Variants in NCK2 observed in about 807,000 individuals in gnomAD.
NCK2 encodes cytoplasmic protein NCK2.
In NCK2, 16 loss-of-function variants were observed where a neutral mutation model predicts 33.9. The observed-to-expected ratio is 0.47, with a 90% CI of 0.32 to 0.72. The LOEUF (loss-of-function observed/expected upper bound fraction) is 0.72. Ranked by LOEUF, NCK2 falls within the 30% of genes least tolerant of loss-of-function variation. The pLI is 0.03. For synonymous variants in NCK2, 273 were observed against 239.9 expected (o/e 1.14, Z -1.27); for missense variants, 418 against 537.3 (o/e 0.78, Z 2.19).
intron 1 of NCK2, among the ~76,000 whole-genome samples, chr2:105,786,262 A>T (rs752075505): frequency 1.3e-5 from 2 of 152,282 alleles, no homozygotes; most frequent in Middle Eastern, 3.2e-3. Flanking sequence ...TTTTGAATCT[A>T]TGTAATAACC....
intron 1 of NCK2, among the ~76,000 whole-genome samples, chr2:105,780,092 G>T (rs916043453): frequency 1.3e-5 from 2 of 152,032 alleles, no homozygotes; most frequent in Non-Finnish European, 2.9e-5. Flanking sequence ...TTTTAACTGA[G>T]CATATTTTGG....
intron 2 of NCK2, among the ~76,000 whole-genome samples, chr2:105,826,537 T>C (rs1675950455): frequency 6.6e-6 from 1 of 152,264 alleles, no homozygotes; most frequent in South Asian, 2.1e-4. Context: ...GATTACCTGA[T>C]TGGTTATGTT....
At chr2:105,874,458 A>G (rs141377053) in intron 3 of NCK2, among the ~76,000 whole-genome samples, 19 of 152,398 alleles carry the variant, frequency 1.2e-4, no homozygotes, top group African/African-American at 4.6e-4. Flanking sequence ...AAACCCCCAC[A>G]GATCAATAAT....
At chr2:105,754,449 T>C (rs1326612292) in intron 1 of NCK2, among the ~76,000 whole-genome samples, 1 of 152,212 alleles carries the variant, frequency 6.6e-6, no homozygotes, top group Non-Finnish European at 1.5e-5. Flanking sequence ...CTTAAGAATT[T>C]TGGTTGCGTG....
chr2:105,835,935 T>A (rs957097963), intron 2 of NCK2, among the ~76,000 whole-genome samples: 6 of 151,464 alleles, frequency 4.0e-5, no homozygotes, highest in Non-Finnish European at 8.8e-5. Flanking sequence ...TCAATTTTTT[T>A]ATTTAATTCA....
chr2:105,772,747 T>G (rs1690174068), intron 1 of NCK2, among the ~76,000 whole-genome samples: 1 of 152,090 alleles, frequency 6.6e-6, no homozygotes, highest in Non-Finnish European at 1.5e-5. Flanking sequence ...TGGAATTGAC[T>G]TCTTCTCCCC....
intron 1 of NCK2, among the ~76,000 whole-genome samples, chr2:105,793,822 C>T (rs1281020841): frequency 6.6e-6 from 1 of 152,108 alleles, no homozygotes; most frequent in Non-Finnish European, 1.5e-5. Context: ...GTTTCAGGCT[C>T]CTTTAGACAG....
At chr2:105,823,594 A>G (rs1250274216) in intron 2 of NCK2, among the ~76,000 whole-genome samples, 1 of 151,992 alleles carries the variant, frequency 6.6e-6, no homozygotes, top group Non-Finnish European at 1.5e-5. Flanking sequence ...ATGGGGAATG[A>G]ATTCTGGGAC....
chr2:105,807,422 T>A (rs894116369), intron 1 of NCK2, among the ~76,000 whole-genome samples: 21 of 152,188 alleles, frequency 1.4e-4, no homozygotes, highest in Non-Finnish European at 2.8e-4. Context: ...TTTGTAGAAA[T>A]AAAAAGTGCA....
intron 2 of NCK2, among the ~76,000 whole-genome samples, chr2:105,825,319 T>C (rs1675899031): frequency 6.6e-6 from 1 of 152,224 alleles, no homozygotes; most frequent in Non-Finnish European, 1.5e-5. Context: ...AGTTTTCATG[T>C]ATTCACACCT....
chr2:105,771,611 C>T (rs1411852851), intron 1 of NCK2, among the ~76,000 whole-genome samples: 2 of 152,116 alleles, frequency 1.3e-5, no homozygotes, highest in African/African-American at 2.4e-5. Context: ...AGAAGTTTCC[C>T]ATTGTTTCTA....
At chr2:105,886,056 G>A (rs1171778151) in intron 4 of NCK2, among the ~76,000 whole-genome samples, 1 of 152,226 alleles carries the variant, frequency 6.6e-6, no homozygotes, top group African/African-American at 2.4e-5. Flanking sequence ...GTGATCCATG[G>A]TGTTTCTTCA....
At chr2:105,774,032 G>A (rs1311759090) in intron 1 of NCK2, among the ~76,000 whole-genome samples, 11 of 140,334 alleles carry the variant, frequency 7.8e-5, no homozygotes, top group South Asian at 4.4e-4. Context: ...TTTTTGAGAC[G>A]GAGTCTCGCC....
chr2:105,816,508 G>A lies in NCK2; in HGVS notation c.-122G>A, dbSNP rs2104483168. Reference sequence around the variant, plus strand: ...AGATTTGAGTTGGATTTGAGGATTTGGAGAATCCCTGCAGCTTTGTAACTT... The same window carrying A: ...AGATTTGAGTTGGATTTGAGGATTTAGAGAATCCCTGCAGCTTTGTAACTT... On this transcript the variant is annotated 5_prime_UTR_variant, in exon 2 of 5. The change creates a premature stop within an existing upstream ORF in the 5' untranslated region. Coordinates refer to ENST00000233154, the MANE Select transcript of NCK2 (RefSeq NM_003581.5). 1 of 152,274 alleles carries A rather than the reference G, an allele frequency of 6.6e-6. No homozygotes were observed. Among genetic ancestry groups the A allele is most frequent in the East Asian group, 1.9e-4 (1 of 5,180 alleles). 9.4% of individuals were successfully genotyped at this position (152,274 alleles called of 1,614,324 possible).
chr2:105,805,353 G>T (rs975818595), intron 1 of NCK2, among the ~76,000 whole-genome samples: 1 of 152,080 alleles, frequency 6.6e-6, no homozygotes, highest in Non-Finnish European at 1.5e-5. Context: ...ACCATTTTAG[G>T]AATATTTAAA....
At chr2:105,773,976 G>A (rs963989924) in intron 1 of NCK2, among the ~76,000 whole-genome samples, 2 of 151,548 alleles carry the variant, frequency 1.3e-5, no homozygotes, top group African/African-American at 4.8e-5. Flanking sequence ...GCATCTGGAA[G>A]TCCTCAGGTG....
At chr2:105,841,417 T>A (rs1038618110) in intron 2 of NCK2, among the ~76,000 whole-genome samples, 2 of 152,156 alleles carry the variant, frequency 1.3e-5, no homozygotes, top group Non-Finnish European at 2.9e-5. Context: ...AGGATACAGA[T>A]GTAGAGGTGT....
intron 1 of NCK2, among the ~76,000 whole-genome samples, chr2:105,788,193 A>G (rs1457091951): frequency 1.3e-5 from 2 of 152,250 alleles, no homozygotes; most frequent in African/African-American, 4.8e-5. Flanking sequence ...TTCATCAGCT[A>G]TGTGAATTGG....
chr2:105,843,780 T>G (rs1241944634), intron 2 of NCK2, among the ~76,000 whole-genome samples: 1 of 152,208 alleles, frequency 6.6e-6, no homozygotes, highest in Non-Finnish European at 1.5e-5. Flanking sequence ...AAATCTCCTG[T>G]GCAAAAGGTT....
Sources: gnomAD v4.1 joint callset for allele counts (sites outside exome capture counted in the v4.1 genomes callset) on GRCh38, gnomAD v4.1.1 for gene constraint, MANE v1.5 for transcripts, NCBI Gene and HGNC (gene_info 2026-07-23, HGNC 2026-07-21) for gene names.